ACYP2: variants seen among roughly 807,000 people sequenced by gnomAD.
ACYP2 encodes the protein acylphosphatase-2.
Under a neutral mutation model 11.2 loss-of-function variants are expected in ACYP2, and 12 were observed. The observed-to-expected ratio is 1.08, with a 90% confidence interval of 0.69 to 1.74. The LOEUF (loss-of-function observed/expected upper bound fraction) is 1.74, where lower values mean the gene tolerates loss of function less well. Ranked by LOEUF, ACYP2 falls within the 40% of genes most tolerant of loss-of-function variation. The probability of loss-of-function intolerance (pLI) is 0.00; values close to 1 mark genes in which losing one functional copy is unlikely to be tolerated. For synonymous variants in ACYP2, 43 were observed against 32.2 expected, an observed-to-expected ratio of 1.33 and a Z score of -1.13; for missense variants, 134 against 101.9, an observed-to-expected ratio of 1.31 and a Z score of -1.35.
chr2:54,076,732 G>C (rs1261093218), intron 4 of ACYP2, among the ~76,000 whole-genome samples: 1 of 152,086 alleles, frequency 6.6e-6, no homozygotes, highest in Non-Finnish European at 1.5e-5. Context: ...GAGAGAGAGG[G>C]TACAGCAGCC....
chr2:54,015,645 T>TCACACACACACACACACACACACACACA (rs4027206), intron 2 of ACYP2, among the ~76,000 whole-genome samples: 5 of 130,482 alleles, frequency 3.8e-5, no homozygotes, highest in African/African-American at 1.5e-4. Flanking sequence ...TGAGACCCCG[T>TCACACACACACACACACACACACACACA]CACACACACA....
At chr2:53,981,416 C>T (rs1426319130) in intron 2 of ACYP2, among the ~76,000 whole-genome samples, 1 of 152,048 alleles carries the variant, frequency 6.6e-6, no homozygotes, top group African/African-American at 2.4e-5. Flanking sequence ...TGGTGTACCC[C>T]CTATGTAAGT....
In ACYP2 at chr2:54,118,976, G is replaced by C. The variant is rs1183253899; in HGVS notation, c.278-16477G>C. On this transcript the variant is annotated intron_variant, in intron 4 of 6. Transcript: ENST00000607452. Reference sequence around the variant, plus strand: ...TGGTTTTTCTCATTTAACAGATGGAGACATTGAGGCGTGGGGAAGTAACTT... The same window carrying C: ...TGGTTTTTCTCATTTAACAGATGGACACATTGAGGCGTGGGGAAGTAACTT... Among the ~76,000 whole-genome samples, 4 of 148,536 alleles carry C rather than the reference G, an allele frequency of 2.7e-5. No individual in the cohort carries two copies. The East Asian group carries it at 8.1e-4, about 30-fold the overall frequency.
At chr2:54,280,164 C>T (rs1454250719) in intron 6 of ACYP2, among the ~76,000 whole-genome samples, 2 of 152,238 alleles carry the variant, frequency 1.3e-5, no homozygotes, top group African/African-American at 2.4e-5. Context: ...GCAATCTTGA[C>T]CTGCATCCCT....
At chr2:54,027,593 C>G (rs1201150052) in intron 2 of ACYP2, among the ~76,000 whole-genome samples, 3 of 152,112 alleles carry the variant, frequency 2.0e-5, no homozygotes, top group Non-Finnish European at 1.5e-5. Flanking sequence ...ATGCTTTTCT[C>G]TTGTTAATCT....
At chr2:54,209,179 G>T (rs1338983631) in intron 6 of ACYP2, among the ~76,000 whole-genome samples, 1 of 151,586 alleles carries the variant, frequency 6.6e-6, no homozygotes, top group African/African-American at 2.4e-5. Context: ...TGACCTATTG[G>T]ATTTAAAAAA....
chr2:53,978,082 A>T (rs1428074064), intron 2 of ACYP2, among the ~76,000 whole-genome samples: 1 of 151,718 alleles, frequency 6.6e-6, no homozygotes, highest in Non-Finnish European at 1.5e-5. Flanking sequence ...GCCAACGTGA[A>T]GAAACCCCAT....
chr2:54,183,531 CAA>C (rs1301711013), intron 6 of ACYP2, among the ~76,000 whole-genome samples: 2 of 127,508 alleles, frequency 1.6e-5, no homozygotes, highest in African/African-American at 2.9e-5. Flanking sequence ...GACCCGGTCT[CAA>C]AAAAAAAAAG....
intron 4 of ACYP2, among the ~76,000 whole-genome samples, chr2:54,129,898 TA>T (rs1362911517): frequency 2.0e-5 from 3 of 148,406 alleles, no homozygotes; most frequent in Non-Finnish European, 4.5e-5. Flanking sequence ...TATTATATTA[TA>T]AATGTATAAT....
intron 6 of ACYP2, among the ~76,000 whole-genome samples, chr2:54,234,827 G>A (rs538934968): frequency 2.6e-5 from 4 of 152,252 alleles, no homozygotes; most frequent in African/African-American, 9.6e-5. Context: ...TTTTTGTAAA[G>A]CATCAGGGTT....
chr2:54,093,930 ACT>A (rs770873242), intron 4 of ACYP2, among the ~76,000 whole-genome samples: 1 of 144,536 alleles, frequency 6.9e-6, no homozygotes, highest in Non-Finnish European at 1.5e-5. Context: ...ACAGAACGAG[ACT>A]CTGTCTCAAA....
intron 2 of ACYP2, among the ~76,000 whole-genome samples, chr2:54,002,352 T>G (rs1485409784): frequency 1.3e-5 from 2 of 149,592 alleles, no homozygotes; most frequent in Admixed American, 1.3e-4. Flanking sequence ...ATTTCTTTCT[T>G]TTTTTTTTTT....
intron 5 of ACYP2, among the ~76,000 whole-genome samples, chr2:54,136,358 C>T (rs1681232459): frequency 6.6e-6 from 1 of 152,080 alleles, no homozygotes; most frequent in Non-Finnish European, 1.5e-5. Flanking sequence ...TTAAAGTACT[C>T]CTTTCCTACA....
At chr2:54,077,463 G>A (rs763675749) in intron 4 of ACYP2, among the ~76,000 whole-genome samples, 1 of 152,220 alleles carries the variant, frequency 6.6e-6, no homozygotes, top group Non-Finnish European at 1.5e-5. Context: ...CTCAGAGCTA[G>A]TGATAAAGGT....
chr2:54,051,643 G>A, intron 3 of ACYP2: 1 of 737,706 alleles, frequency 1.4e-6, no homozygotes, highest in Non-Finnish European at 2.5e-6. Context: ...ATGAAAAGAA[G>A]GCTGCGAAGT....
At chr2:54,276,664 A>C (rs531526121) in intron 6 of ACYP2, among the ~76,000 whole-genome samples, 154 of 126,668 alleles carry the variant, frequency 1.2e-3, no homozygotes, top group African/African-American at 3.7e-3. Flanking sequence ...CACACACACC[A>C]CACACAAGAA....
At chr2:54,079,315 T>G (rs1179032479) in intron 4 of ACYP2, among the ~76,000 whole-genome samples, 1 of 152,204 alleles carries the variant, frequency 6.6e-6, no homozygotes, top group Non-Finnish European at 1.5e-5. Flanking sequence ...TTCTAGTAAT[T>G]CCATCCACCT....
At chr2:54,284,708 A>G (rs991986375) in intron 6 of ACYP2, among the ~76,000 whole-genome samples, 40 of 152,186 alleles carry the variant, frequency 2.6e-4, no homozygotes, top group African/African-American at 9.6e-4. Flanking sequence ...TCTCCTTGAT[A>G]AAGCTATGTT....
intron 4 of ACYP2, among the ~76,000 whole-genome samples, chr2:54,075,036 A>C (rs562796464): frequency 2.0e-5 from 3 of 152,300 alleles, no homozygotes; most frequent in African/African-American, 7.2e-5. Flanking sequence ...TATTCTTTCT[A>C]CTTTCTCATT....
Sources: allele counts gnomAD v4.1 joint callset (sites outside exome capture counted in the v4.1 genomes callset), GRCh38; gene constraint gnomAD v4.1.1; transcripts MANE v1.5; gene names NCBI Gene and HGNC (gene_info 2026-07-23, HGNC 2026-07-21).